The following NR3C1 variants were observed in gnomAD, a reference collection of about 807,000 sequenced individuals.
NR3C1 encodes nuclear receptor subfamily 3 group C member 1.
Under a neutral mutation model 74.0 loss-of-function variants are expected in NR3C1, and 14 were observed. The observed-to-expected ratio is 0.19, with a 90% confidence interval of 0.12 to 0.30. The LOEUF (loss-of-function observed/expected upper bound fraction) is 0.30. Ranked by LOEUF, NR3C1 falls within the 10% of genes least tolerant of loss-of-function variation. The pLI is 1.00. For synonymous variants in NR3C1, 308 were observed against 332.5 expected (o/e 0.93, Z 0.80); for missense variants, 695 against 909.8 (o/e 0.76, Z 3.04).
intron 2 of NR3C1, among the ~76,000 whole-genome samples, chr5:143,321,600 T>C (rs1244495541): frequency 6.6e-6 from 1 of 152,236 alleles, no homozygotes; most frequent in Non-Finnish European, 1.5e-5. Context: ...CCACTGTTTA[T>C]AGTACAAGCT....
chr5:143,340,025 TA>T (rs1213081522), intron 2 of NR3C1, among the ~76,000 whole-genome samples: 1 of 152,152 alleles, frequency 6.6e-6, no homozygotes, highest in African/African-American at 2.4e-5. Flanking sequence ...CAGGACACAA[TA>T]TTTTTAAAAC....
chr5:143,283,936 G>C (rs190343483), intron 7 of NR3C1, among the ~76,000 whole-genome samples: 1 of 152,276 alleles, frequency 6.6e-6, no homozygotes, highest in East Asian at 1.9e-4. Context: ...CTGAATTTCA[G>C]TACTTCTTGG....
intron 7 of NR3C1, chr5:143,294,091 A>G: frequency 1.0e-6 from 1 of 984,846 alleles, no homozygotes; most frequent in Non-Finnish European, 1.2e-6. Context: ...TTAACATAAA[A>G]TAACTTTTTG....
chr5:143,391,881 T>C (rs561978740), intron 2 of NR3C1, among the ~76,000 whole-genome samples: 18 of 152,268 alleles, frequency 1.2e-4, no homozygotes, highest in Non-Finnish European at 2.4e-4. Context: ...CCAATGAGAG[T>C]CATGCTGGTT....
Position 143,403,382 on chromosome 5 carries a change from T to A in NR3C1, c.-185A>T. ...CATGGGTGGGGGGAGAGCCCCTATT[T>A]AAGAAAGTCTCCCATTGCCCAGCTG... On this transcript the variant is annotated 5_prime_UTR_variant, in exon 1 of 9. It introduces an in-frame stop codon into an upstream open reading frame of the 5' UTR. Coordinates refer to ENST00000394464, the MANE Select transcript of NR3C1 (RefSeq NM_000176.3). The A allele has an allele frequency of 7.1e-6, 7 of 985,344 alleles. No individual in the cohort carries two copies. Among genetic ancestry groups the A allele is most frequent in the Non-Finnish European group, 8.4e-6 (7 of 829,968 alleles). The allele number at this position is 985,344 out of a possible 1,614,324, so 61.0% of individuals were successfully genotyped here. A position where few individuals can be genotyped will look rare whatever the true frequency, so the allele number is the denominator to read the frequency against.
At chr5:143,357,616 T>TA (rs1831397933) in intron 2 of NR3C1, among the ~76,000 whole-genome samples, 1 of 152,194 alleles carries the variant, frequency 6.6e-6, no homozygotes, top group African/African-American at 2.4e-5. Flanking sequence ...TTTCCACACT[T>TA]AAAAAATTTC....
chr5:143,427,851 A>G (rs988553887), intron 1 of NR3C1, among the ~76,000 whole-genome samples: 9 of 152,204 alleles, frequency 5.9e-5, no homozygotes, highest in Admixed American at 4.6e-4. Context: ...GACTTTATCT[A>G]TAAGAGGGTT....
At chr5:143,427,544 C>A (rs1374372339) in intron 1 of NR3C1, among the ~76,000 whole-genome samples, 2 of 152,144 alleles carry the variant, frequency 1.3e-5, no homozygotes, top group South Asian at 2.1e-4. Context: ...TGGGAATTCC[C>A]ATCCTAGTGG....
intron 1 of NR3C1, among the ~76,000 whole-genome samples, chr5:143,416,081 T>C (rs901696756): frequency 3.9e-5 from 6 of 152,226 alleles, no homozygotes; most frequent in Non-Finnish European, 5.9e-5. Flanking sequence ...ACCATAATGC[T>C]TGATGGCTGC....
chr5:143,372,218 T>A (rs540138807), intron 2 of NR3C1, among the ~76,000 whole-genome samples: 1 of 152,318 alleles, frequency 6.6e-6, no homozygotes, highest in Admixed American at 6.5e-5. Flanking sequence ...TATATATAAG[T>A]CTAGAATTTT....
chr5:143,352,279 G>C (rs1197203582), intron 2 of NR3C1, among the ~76,000 whole-genome samples: 2 of 152,108 alleles, frequency 1.3e-5, no homozygotes, highest in African/African-American at 4.8e-5. Context: ...TTGATCATAA[G>C]AAGATTACTG....
chr5:143,324,278 G>A (rs576593275), intron 2 of NR3C1, among the ~76,000 whole-genome samples: 5 of 152,288 alleles, frequency 3.3e-5, no homozygotes, highest in African/African-American at 9.6e-5. Flanking sequence ...GTTTCCATAC[G>A]TCTTCTAAAA....
intron 1 of NR3C1, chr5:143,433,806 G>A (rs1458421826): frequency 6.6e-6 from 1 of 152,266 alleles, no homozygotes; most frequent in African/African-American, 2.4e-5. Flanking sequence ...TCACACACCA[G>A]CCAGAGGGAT....
At chr5:143,370,984 C>T (rs902976940) in intron 2 of NR3C1, among the ~76,000 whole-genome samples, 1 of 152,060 alleles carries the variant, frequency 6.6e-6, no homozygotes, top group African/African-American at 2.4e-5. Flanking sequence ...AGACCATAGC[C>T]AAGTCAAGTA....
chr5:143,386,086 T>C (rs1561741442), intron 2 of NR3C1, among the ~76,000 whole-genome samples: 1 of 152,162 alleles, frequency 6.6e-6, no homozygotes, highest in Non-Finnish European at 1.5e-5. Flanking sequence ...AAAGAAACCA[T>C]GTTTTCACAT....
upstream of NR3C1, among the ~76,000 whole-genome samples, chr5:143,404,937 A>G (rs747571547): frequency 7.9e-5 from 12 of 152,168 alleles, no homozygotes; most frequent in African/African-American, 1.2e-4. Context: ...AACAAAATAC[A>G]GGCAGCTTTA....
intron 2 of NR3C1, among the ~76,000 whole-genome samples, chr5:143,349,081 C>T (rs561635163): frequency 6.6e-6 from 1 of 152,076 alleles, no homozygotes; most frequent in Non-Finnish European, 1.5e-5. Context: ...CTTCTTAGTC[C>T]TCCAAGTTCC....
chr5:143,392,832 T>C (rs937833362), intron 2 of NR3C1, among the ~76,000 whole-genome samples: 6 of 152,208 alleles, frequency 3.9e-5, no homozygotes, highest in Admixed American at 1.3e-4. Context: ...ATAAAATATG[T>C]GGCTAGTCTG....
intron 2 of NR3C1, among the ~76,000 whole-genome samples, chr5:143,357,205 G>T (rs1202135970): frequency 6.6e-6 from 1 of 151,926 alleles, no homozygotes; most frequent in Admixed American, 6.6e-5. Flanking sequence ...TTGTCAACAT[G>T]GTAAATAGCT....
Sources: gnomAD v4.1 joint callset for allele counts (sites outside exome capture counted in the v4.1 genomes callset) on GRCh38, gnomAD v4.1.1 for gene constraint, MANE v1.5 for transcripts, NCBI Gene and HGNC (gene_info 2026-07-23, HGNC 2026-07-21) for gene names.